Variants in EFR3B observed in about 807,000 individuals in gnomAD.
EFR3B encodes protein EFR3 homolog B.
EFR3B carries 64 observed loss-of-function variants against 104.7 expected under a neutral mutation model. The ratio of observed to expected loss-of-function variants is 0.61; its 90% CI spans 0.50 to 0.75. The LOEUF (loss-of-function observed/expected upper bound fraction) is 0.75. Ranked by LOEUF, EFR3B falls within the 30% of genes least tolerant of loss-of-function variation. The probability of loss-of-function intolerance (pLI) is 0.00; values close to 1 mark genes in which losing one functional copy is unlikely to be tolerated. For synonymous variants in EFR3B, 385 were observed against 417.9 expected (o/e 0.92, Z 0.96); for missense variants, 750 against 1,078.5 (o/e 0.70, Z 4.27).
intron 21 of EFR3B, among the ~76,000 whole-genome samples, chr2:25,152,360 C>G (rs574284564): frequency 6.6e-6 from 1 of 152,226 alleles, no homozygotes. Flanking sequence ...GTGGTCCTGA[C>G]AGCAGGCACG....
intron 19 of EFR3B, among the ~76,000 whole-genome samples, chr2:25,148,660 C>T (rs892951520): frequency 2.6e-5 from 4 of 151,676 alleles, no homozygotes; most frequent in Non-Finnish European, 5.9e-5. Flanking sequence ...CGGTGGCTCA[C>T]GCCTGTAATC....
chr2:25,045,095 T>G (rs1667680032), intron 1 of EFR3B, among the ~76,000 whole-genome samples: 1 of 152,240 alleles, frequency 6.6e-6, no homozygotes, highest in Non-Finnish European at 1.5e-5. Flanking sequence ...CTCCTGAAAC[T>G]GGTTGCTCAA....
Position 25,131,654 on chromosome 2 carries a change from C to A in EFR3B, c.986-96C>A. 1 of 1,486,800 alleles carries A rather than the reference C, an allele frequency of 6.7e-7. No homozygotes were observed. Among genetic ancestry groups the A allele is most frequent in the Non-Finnish European group, 9.0e-7 (1 of 1,111,804 alleles). 92.1% of individuals were successfully genotyped at this position (1,486,800 alleles called of 1,614,324 possible). On this transcript the variant is annotated intron_variant, in intron 9 of 22. Coordinates refer to ENST00000403714, the MANE Select transcript of EFR3B (RefSeq NM_014971.2). The surrounding 1 kb of genome is among the most constrained non-coding windows in gnomAD (Gnocchi z 7.6). ...GTTGGGAGCGCAGAGGAAGCCCAGG[C>A]TGGAAGGGGGCGTGACCCTGCCCTG...
intron 1 of EFR3B, among the ~76,000 whole-genome samples, chr2:25,077,907 G>A (rs1183838818): frequency 6.6e-6 from 1 of 152,132 alleles, no homozygotes; most frequent in Non-Finnish European, 1.5e-5. Context: ...CCCATTGGAG[G>A]GTTGTTGATT....
chr2:25,118,413 T>C (rs1304830356), intron 4 of EFR3B, among the ~76,000 whole-genome samples: 1 of 152,148 alleles, frequency 6.6e-6, no homozygotes. Context: ...ATTCCCTTCT[T>C]CTTTAAGGCT....
At chr2:25,046,910 C>T (rs948342426) in intron 1 of EFR3B, among the ~76,000 whole-genome samples, 2 of 152,166 alleles carry the variant, frequency 1.3e-5, no homozygotes, top group Admixed American at 1.3e-4. Context: ...CAGCCTCCTC[C>T]CCCAGATCCT....
At position 25,135,656 on chromosome 2, in the gene EFR3B, TC is replaced by T; in HGVS notation, c.1484+19del. The T allele has an allele frequency of 5.8e-6, 9 of 1,551,802 alleles. No homozygotes were observed. The highest frequency in any genetic ancestry group is 7.8e-6 in the Non-Finnish European group (9 of 1,146,998). ...TACCATCAGGTGAACTTGGGGTGTC[TC>T]CTCCAGGCAATGCAAGATGGGGAGA... On this transcript the variant is annotated intron_variant, in intron 13 of 22. Coordinates refer to ENST00000403714, the MANE Select transcript of EFR3B (RefSeq NM_014971.2).
chr2:25,069,913 G>C (rs916605684), intron 1 of EFR3B, among the ~76,000 whole-genome samples: 1 of 152,178 alleles, frequency 6.6e-6, no homozygotes, highest in East Asian at 1.9e-4. Context: ...TAGCCAGGAT[G>C]GTCTCAATCT....
intron 19 of EFR3B, chr2:25,147,708 C>T (rs1055542569): frequency 6.6e-6 from 1 of 152,142 alleles, no homozygotes. Context: ...GCTGCTTTTG[C>T]TTAAGATTAT....
chr2:25,061,422 A>AT (rs1176659376), intron 1 of EFR3B, among the ~76,000 whole-genome samples: 10 of 150,892 alleles, frequency 6.6e-5, no homozygotes, highest in Non-Finnish European at 1.2e-4. Flanking sequence ...CTGGAGTTTG[A>AT]TTTTTGATCG....
chr2:25,118,279 C>T (rs1669918097), intron 4 of EFR3B, among the ~76,000 whole-genome samples: 1 of 152,216 alleles, frequency 6.6e-6, no homozygotes, highest in Non-Finnish European at 1.5e-5. Flanking sequence ...CTGCGCCTGG[C>T]TGAGCTTAAC....
chr2:25,088,359 A>T (rs1439445756), intron 1 of EFR3B, among the ~76,000 whole-genome samples: 1 of 152,154 alleles, frequency 6.6e-6, no homozygotes, highest in African/African-American at 2.4e-5. Flanking sequence ...GCCTTGGGGA[A>T]GTGGCACGTG....
Position 25,149,497 on chromosome 2 carries a change from C to T in EFR3B, c.2143-197C>T, listed in dbSNP as rs146374106. Among the ~76,000 whole-genome samples, 1,378 of 152,280 alleles carry T rather than the reference C, an allele frequency of 9.0e-3. 9 individuals carry two copies. Among genetic ancestry groups the T allele is most frequent in the Non-Finnish European group, 0.011 (750 of 68,024 alleles). On this transcript the variant is annotated intron_variant, in intron 19 of 22. Coordinates refer to ENST00000403714, the MANE Select transcript of EFR3B (RefSeq NM_014971.2). The stretch of plus-strand genomic sequence containing the variant: ...GAATCTGATGAGGAATGAGCTTCCC[C>T]GCTGCATCTCGCTGTCCTCTGTGCC...
intron 4 of EFR3B, among the ~76,000 whole-genome samples, chr2:25,111,710 C>T (rs895631985): frequency 6.6e-6 from 1 of 152,122 alleles, no homozygotes; most frequent in Non-Finnish European, 1.5e-5. Context: ...GGATCAGAGT[C>T]GGACAGAAGG....
rs1372908481 is a variant in EFR3B at position 25,157,860 on chromosome 2, A to C, written c.*3520A>C. 6 of 152,264 alleles carry C rather than the reference A, an allele frequency of 3.9e-5. No homozygotes were observed. Among genetic ancestry groups the C allele is most frequent in the African/African-American group, 1.4e-4 (6 of 41,438 alleles). The allele number at this position is 152,264 out of a possible 1,614,324, so 9.4% of individuals were successfully genotyped here. ...TCCTAAACAGCCTCCTCACTATAGA[A>C]GGAGCCTGAGCAGGTCAGAAGAACT... On this transcript the variant is annotated 3_prime_UTR_variant, in exon 23 of 23. Transcript: ENST00000403714.
intron 3 of EFR3B, 55 bp downstream of exon 3, chr2:25,093,185 A>T (rs535181000): frequency 6.5e-7 from 1 of 1,536,548 alleles, no homozygotes; most frequent in Non-Finnish European, 8.8e-7. Context: ...TTGTTAGGCT[A>T]AACATAGGGT....
At chr2:25,056,285 C>T (rs1157610785) in intron 1 of EFR3B, among the ~76,000 whole-genome samples, 3 of 152,166 alleles carry the variant, frequency 2.0e-5, no homozygotes, top group Admixed American at 1.3e-4. Flanking sequence ...CCTGCTGAAA[C>T]GGTTAAGGCC....
At chr2:25,081,678 G>T in intron 1 of EFR3B, 1 of 558,354 alleles carries the variant, frequency 1.8e-6, no homozygotes, top group East Asian at 2.9e-5. Context: ...TGTAGAACAT[G>T]GAGGCTGCCA....
intron 1 of EFR3B, among the ~76,000 whole-genome samples, chr2:25,066,919 C>A (rs1179653632): frequency 6.6e-6 from 1 of 152,148 alleles, no homozygotes; most frequent in Non-Finnish European, 1.5e-5. Context: ...CTCCAAGATT[C>A]CAAATCTTTA....
Sources: allele counts gnomAD v4.1 joint callset (sites outside exome capture counted in the v4.1 genomes callset), GRCh38; gene constraint gnomAD v4.1.1; non-coding constraint Gnocchi (gnomAD v3.1); transcripts MANE v1.5; gene names NCBI Gene and HGNC (gene_info 2026-07-23, HGNC 2026-07-21).